Variants in RREB1 observed in about 807,000 individuals in gnomAD.
RREB1 encodes ras responsive element binding protein 1.
In RREB1, 27 loss-of-function variants were observed where a neutral mutation model predicts 117.8. That is an observed-to-expected ratio of 0.23 (90% confidence interval 0.17 to 0.32). The LOEUF (loss-of-function observed/expected upper bound fraction) is 0.32, where lower values mean the gene tolerates loss of function less well. Ranked by LOEUF, RREB1 falls within the 10% of genes least tolerant of loss-of-function variation. The probability of loss-of-function intolerance (pLI) is 1.00; values close to 1 mark genes in which losing one functional copy is unlikely to be tolerated. For synonymous variants in RREB1, 1,298 were observed against 1,026.7 expected (o/e 1.26, Z -5.05); for missense variants, 2,577 against 2,378.2 (o/e 1.08, Z -1.74).
chr6:7,140,544 C>T (rs1012939223), intron 1 of RREB1: 5 of 152,264 alleles, frequency 3.3e-5, no homozygotes, highest in Admixed American at 2.0e-4. Context: ...CTATCATTTT[C>T]GAAAACAGGA....
At chr6:7,221,166 C>CTT (rs57490974) in intron 8 of RREB1, among the ~76,000 whole-genome samples, 70 of 145,048 alleles carry the variant, frequency 4.8e-4, no homozygotes, top group African/African-American at 1.7e-3. Flanking sequence ...AAGTGTTTTT[C>CTT]TTTTTTTTTT....
chr6:7,229,968 CAAG>C lies in RREB1; in HGVS notation c.1870_1872del (p.Lys624del). 1.9e-6 allele frequency: 3 copies of C among 1,605,440 alleles called. No homozygotes were observed. The South Asian group carries it at 3.3e-5, about 18-fold the overall frequency. ...AGCAGGAGATCACAGAGGGGGAACT[CAAG>C]GCCTTCATGACAGCGCCCGGCGGCA... On this transcript the variant is annotated inframe_deletion, in exon 10 of 13. Coordinates refer to ENST00000379938, the MANE Select transcript of RREB1 (RefSeq NM_001003699.4). The surrounding 1 kb of genome is among the most constrained non-coding windows in gnomAD (Gnocchi z 4.5).
intron 1 of RREB1, among the ~76,000 whole-genome samples, chr6:7,166,439 C>T (rs965863463): frequency 3.9e-5 from 6 of 152,114 alleles, no homozygotes; most frequent in African/African-American, 1.2e-4. Flanking sequence ...TTCTTAGAGG[C>T]GAATTTGGGG....
chr6:7,151,173 CCTAT>C (rs2113426018), intron 1 of RREB1, among the ~76,000 whole-genome samples: 1 of 152,270 alleles, frequency 6.6e-6, no homozygotes, highest in South Asian at 2.1e-4. Context: ...TTCACGTAAT[CCTAT>C]CTTTTATTTA....
chr6:7,181,055 A>G (rs1191455860), intron 2 of RREB1, 69 bp from the exon 3 acceptor site: 17 of 396,768 alleles, frequency 4.3e-5, no homozygotes, highest in Non-Finnish European at 1.8e-5. Flanking sequence ...ATTATAGCCA[A>G]TAAATGATTT....
chr6:7,180,859 T>C (rs528260134), intron 2 of RREB1, among the ~76,000 whole-genome samples: 47 of 152,208 alleles, frequency 3.1e-4, no homozygotes, highest in Non-Finnish European at 5.4e-4. Context: ...GGTATAAATA[T>C]GAGCTTTAGA....
intron 8 of RREB1, chr6:7,216,705 TAAA>T (rs1766920028): frequency 6.6e-6 from 1 of 152,300 alleles, no homozygotes; most frequent in Non-Finnish European, 1.5e-5. Flanking sequence ...AGGGAAAAGA[TAAA>T]ATATTTGTCA....
chr6:7,236,185 G>A (rs1045259498), intron 10 of RREB1, among the ~76,000 whole-genome samples: 3 of 152,124 alleles, frequency 2.0e-5, no homozygotes, highest in African/African-American at 7.2e-5. Flanking sequence ...AGGGTGCCAG[G>A]AAACACAGCC....
chr6:7,120,243 G>T (rs1363779635), intron 1 of RREB1, among the ~76,000 whole-genome samples: 1 of 152,178 alleles, frequency 6.6e-6, no homozygotes, highest in Non-Finnish European at 1.5e-5. Context: ...TTGAGGTCGG[G>T]AGTTTGAGAC....
chr6:7,206,420 C>T (rs1456093158), intron 6 of RREB1, among the ~76,000 whole-genome samples: 1 of 152,238 alleles, frequency 6.6e-6, no homozygotes, highest in Non-Finnish European at 1.5e-5. Flanking sequence ...ACATTTTCTA[C>T]ATATACTTCA....
chr6:7,172,698 GT>G (rs71673954), intron 1 of RREB1, among the ~76,000 whole-genome samples: 19,857 of 138,624 alleles, frequency 0.14, 1,607 homozygotes, highest in African/African-American at 0.23. Context: ...GTGTGGGGGG[GT>G]GGGGGTGACT....
intron 11 of RREB1, among the ~76,000 whole-genome samples, chr6:7,245,643 C>T (rs915123031): frequency 1.3e-5 from 2 of 152,128 alleles, no homozygotes; most frequent in African/African-American, 2.4e-5. Flanking sequence ...CAGATAGGAA[C>T]AAATCAAGAG....
chr6:7,230,425 T>A lies in RREB1; in HGVS notation c.2326T>A (p.Cys776Ser). The A allele has an allele frequency of 6.3e-7, 1 of 1,591,092 alleles. No individual in the cohort carries two copies. The highest frequency in any genetic ancestry group is 8.5e-7 in the Non-Finnish European group (1 of 1,174,626). The part of the protein sequence containing the change: ...RALRIHMRTH[C>S]GRGLGGGHKG... ...CCTGCGCATCCACATGCGCACGCACTGCGGCCGCGGCCTGGGCGGGGGCCA... is the reference window on the plus strand; with the variant it reads ...CCTGCGCATCCACATGCGCACGCACAGCGGCCGCGGCCTGGGCGGGGGCCA... The change falls in exon 10 of 13, where the codon TGC (cysteine) becomes AGC (serine). Residue 776 changes from cysteine to serine, a missense_variant. Coordinates refer to ENST00000379938, the MANE Select transcript of RREB1 (RefSeq NM_001003699.4).
At chr6:7,236,820 C>T (rs1176247512) in intron 10 of RREB1, among the ~76,000 whole-genome samples, 1 of 149,112 alleles carries the variant, frequency 6.7e-6, no homozygotes, top group Non-Finnish European at 1.5e-5. Context: ...GCCCCAATGT[C>T]CTTCTTCGTT....
At chr6:7,163,007 A>G (rs1481867653) in intron 1 of RREB1, among the ~76,000 whole-genome samples, 1 of 151,694 alleles carries the variant, frequency 6.6e-6, no homozygotes, top group Non-Finnish European at 1.5e-5. Flanking sequence ...CCACCACCAC[A>G]CTTGCATATC....
chr6:7,145,284 C>A (rs892296579), intron 1 of RREB1, among the ~76,000 whole-genome samples: 5 of 152,240 alleles, frequency 3.3e-5, no homozygotes, highest in African/African-American at 1.2e-4. Flanking sequence ...GACCTTTCAA[C>A]TGAGCAAAGT....
At chr6:7,175,119 T>A (rs932594938) in intron 1 of RREB1, among the ~76,000 whole-genome samples, 4 of 152,294 alleles carry the variant, frequency 2.6e-5, no homozygotes, top group African/African-American at 9.6e-5. Flanking sequence ...CTGCTTTTTT[T>A]TAAGCAATAT....
At position 7,231,849 on chromosome 6, in the gene RREB1, C is replaced by T. The variant is rs1041899222; in HGVS notation, c.3750C>T (p.His1250=). The T allele has an allele frequency of 6.2e-7, 1 of 1,613,552 alleles. No homozygotes were observed. The highest frequency in any genetic ancestry group is 1.1e-5 in the South Asian group (1 of 91,056). ...GCCTGCAGAAGATCACCTGTCCCCA[C>T]TGTCCCCGGGTTTTCCCTTGGGCCA... ...TNCLQKITCP[H]CPRVFPWASS... is the part of the protein sequence containing the mutation. The change falls in exon 10 of 13, where the codon CAC becomes CAT. Residue 1250 remains histidine (H), a synonymous_variant. Transcript: ENST00000379938.
chr6:7,141,517 CTTTTAAA>C (rs1351668434), intron 1 of RREB1, among the ~76,000 whole-genome samples: 2 of 152,216 alleles, frequency 1.3e-5, no homozygotes, highest in African/African-American at 4.8e-5. Context: ...CCTGTGACCA[CTTTTAAA>C]TTTTCACAAG....
Sources: allele counts gnomAD v4.1 joint callset (sites outside exome capture counted in the v4.1 genomes callset), GRCh38; gene constraint gnomAD v4.1.1; non-coding constraint Gnocchi (gnomAD v3.1); transcripts MANE v1.5; gene names NCBI Gene and HGNC (gene_info 2026-07-23, HGNC 2026-07-21).